The following EPB41L2 variants were observed in gnomAD, a reference collection of about 807,000 sequenced individuals.
EPB41L2 encodes band 4.1-like protein 2.
In EPB41L2, 43 loss-of-function variants were observed where a neutral mutation model predicts 113.0. The ratio of observed to expected loss-of-function variants is 0.38; its 90% CI spans 0.30 to 0.49. The LOEUF (loss-of-function observed/expected upper bound fraction) is 0.49. EPB41L2 is among the 20% of genes least tolerant of loss of function. The pLI, the probability that EPB41L2 is intolerant of heterozygous loss-of-function variation, is 0.95. For synonymous variants in EPB41L2, 442 were observed against 436.7 expected, an observed-to-expected ratio of 1.01 and a Z score of -0.15; for missense variants, 1,147 against 1,223.4, an observed-to-expected ratio of 0.94 and a Z score of 0.93.
At chr6:130,898,848 T>C (rs1319166833) in intron 8 of EPB41L2, among the ~76,000 whole-genome samples, 1 of 152,134 alleles carries the variant, frequency 6.6e-6, no homozygotes, top group Non-Finnish European at 1.5e-5. Flanking sequence ...TTTTCGAGCA[T>C]TATATTTTTG....
chr6:130,934,657 T>C (rs1021807422), intron 3 of EPB41L2, among the ~76,000 whole-genome samples: 1 of 152,050 alleles, frequency 6.6e-6, no homozygotes, highest in Admixed American at 6.6e-5. Flanking sequence ...AATGTTTTGG[T>C]AGAGGCAGAT....
At chr6:130,869,395 G>T (rs961627203) in intron 15 of EPB41L2, among the ~76,000 whole-genome samples, 168 bp downstream of exon 15, 1 of 152,054 alleles carries the variant, frequency 6.6e-6, no homozygotes, top group Admixed American at 6.6e-5. Context: ...TGAACTGGGC[G>T]GGCAGAAAAT....
chr6:130,957,181 A>T (rs1251743955), intron 1 of EPB41L2, among the ~76,000 whole-genome samples: 2 of 152,134 alleles, frequency 1.3e-5, no homozygotes, highest in Non-Finnish European at 2.9e-5. Context: ...CCATAATCAC[A>T]CTTTTCTTTC....
chr6:130,968,836 G>A (rs1776013739), intron 1 of EPB41L2, among the ~76,000 whole-genome samples: 1 of 151,746 alleles, frequency 6.6e-6, no homozygotes, highest in African/African-American at 2.4e-5. Context: ...GTGGTGGCTA[G>A]AATACGTTTT....
At chr6:130,964,302 A>G (rs757661212) in intron 1 of EPB41L2, among the ~76,000 whole-genome samples, 45 of 152,198 alleles carry the variant, frequency 3.0e-4, no homozygotes, top group Non-Finnish European at 3.8e-4. Context: ...GATTACAGGC[A>G]TGAACCACTG....
At chr6:130,963,114 T>C (rs1057269932) in intron 1 of EPB41L2, among the ~76,000 whole-genome samples, 7 of 152,194 alleles carry the variant, frequency 4.6e-5, no homozygotes, top group Admixed American at 2.6e-4. Context: ...ACCAGCTCCT[T>C]GATCGCGCCA....
chr6:130,938,801 G>C (rs1809793775), intron 3 of EPB41L2, among the ~76,000 whole-genome samples: 1 of 152,154 alleles, frequency 6.6e-6, no homozygotes, highest in African/African-American at 2.4e-5. Context: ...TTAGAAGGCA[G>C]TACAGGTAAT....
At chr6:131,027,395 A>T (rs1791118656) in intron 1 of EPB41L2, among the ~76,000 whole-genome samples, 1 of 101,548 alleles carries the variant, frequency 9.8e-6, no homozygotes, top group Non-Finnish European at 1.9e-5. Flanking sequence ...ATAAAAGCTG[A>T]CAATAAGGCA....
At chr6:130,985,336 G>A (rs570996772) in intron 1 of EPB41L2, among the ~76,000 whole-genome samples, 107 of 151,554 alleles carry the variant, frequency 7.1e-4, no homozygotes, top group Non-Finnish European at 1.0e-3. Context: ...GGACCATCCC[G>A]CATCTCCTCT....
intron 1 of EPB41L2, among the ~76,000 whole-genome samples, chr6:130,969,450 G>T (rs930086903): frequency 3.9e-5 from 6 of 152,092 alleles, no homozygotes; most frequent in African/African-American, 1.4e-4. Context: ...GAACACGCAA[G>T]AAGATTTTTT....
chr6:130,877,731 A>G (rs1204561379), intron 14 of EPB41L2, among the ~76,000 whole-genome samples: 2 of 152,078 alleles, frequency 1.3e-5, no homozygotes, highest in Non-Finnish European at 2.9e-5. Flanking sequence ...ATATTTCTTT[A>G]TTTATTAATT....
In EPB41L2 at chr6:130,924,076, C is replaced by T. The variant is rs143757194; in HGVS notation, c.810+2529G>A. Among the ~76,000 whole-genome samples, 212 of 152,222 alleles carry T rather than the reference C, an allele frequency of 1.4e-3. 1 individual carries two copies. Among genetic ancestry groups the T allele is most frequent in the African/African-American group, 4.8e-3 (199 of 41,536 alleles). ...CTCATATAAGTGGAATCCTATAGTG[C>T]TTGTCTTTTAGTGACTGCTTTAACT... On this transcript the variant is annotated intron_variant, in intron 4 of 19. Coordinates refer to ENST00000337057, the MANE Select transcript of EPB41L2 (RefSeq NM_001431.4).
At chr6:130,901,533 A>G (rs1796308649) in intron 6 of EPB41L2, among the ~76,000 whole-genome samples, 1 of 149,998 alleles carries the variant, frequency 6.7e-6, no homozygotes, top group South Asian at 2.1e-4. Context: ...GGATTAATAG[A>G]TTAAAAAAAA....
At chr6:130,969,062 C>G (rs12206469) in intron 1 of EPB41L2, among the ~76,000 whole-genome samples, 8,301 of 152,114 alleles carry the variant, frequency 0.055, 310 homozygotes, top group Non-Finnish European at 0.084. Flanking sequence ...AACTATAGAT[C>G]ACCAATATAT....
At chr6:130,995,339 A>C (rs1159115700) in intron 1 of EPB41L2, among the ~76,000 whole-genome samples, 1 of 151,972 alleles carries the variant, frequency 6.6e-6, no homozygotes, top group Non-Finnish European at 1.5e-5. Flanking sequence ...CGTCTCAAAA[A>C]AACAAACAAA....
At chr6:131,053,359 C>T (rs1445324324) in intron 1 of EPB41L2, among the ~76,000 whole-genome samples, 1 of 145,212 alleles carries the variant, frequency 6.9e-6, no homozygotes, top group Non-Finnish European at 1.5e-5. Context: ...TTGAGACCAT[C>T]ACTACAACAG....
At chr6:130,971,722 A>G (rs1351974296) in intron 1 of EPB41L2, among the ~76,000 whole-genome samples, 1 of 152,244 alleles carries the variant, frequency 6.6e-6, no homozygotes, top group Non-Finnish European at 1.5e-5. Context: ...CAGACCACAG[A>G]TGACTGCAGG....
chr6:130,880,130 T>G lies in EPB41L2; in HGVS notation c.1896+14A>C. 1 of 1,591,592 alleles carries G rather than the reference T, an allele frequency of 6.3e-7. No individual in the cohort carries two copies. The highest frequency in any genetic ancestry group is 2.2e-5 in the East Asian group (1 of 44,718). On this transcript the variant is annotated intron_variant, in intron 13 of 19. Transcript: ENST00000337057. ...AGCCATTAGGACAGAGTTGTTTTCT[T>G]AGATTATACAAACCTCCAACATTAA...
At chr6:130,975,993 A>C (rs1383371657) in intron 1 of EPB41L2, among the ~76,000 whole-genome samples, 1 of 152,144 alleles carries the variant, frequency 6.6e-6, no homozygotes, top group Non-Finnish European at 1.5e-5. Flanking sequence ...GCACCATTGC[A>C]CTCCAGCCTG....
Sources: gnomAD v4.1 joint callset for allele counts (sites outside exome capture counted in the v4.1 genomes callset) on GRCh38, gnomAD v4.1.1 for gene constraint, MANE v1.5 for transcripts, NCBI Gene and HGNC (gene_info 2026-07-23, HGNC 2026-07-21) for gene names.